Variants in ADAM32 observed in about 807,000 individuals in gnomAD.
The protein encoded by ADAM32 is disintegrin and metalloproteinase domain-containing protein 32.
A neutral mutation model predicts 114.9 loss-of-function variants in ADAM32; 89 were observed. The observed-to-expected ratio is 0.77, with a 90% CI of 0.65 to 0.92. ADAM32 has a LOEUF of 0.92. Among genes scored for constraint, ADAM32 ranks in the 40% least tolerant of loss-of-function variants. The pLI, the probability that ADAM32 is intolerant of heterozygous loss-of-function variation, is 0.00. For synonymous variants in ADAM32, 285 were observed against 307.5 expected (o/e 0.93, Z 0.77); for missense variants, 870 against 932.8 (o/e 0.93, Z 0.88).
chr8:39,170,841 A>T (rs1021458152), intron 10 of ADAM32, among the ~76,000 whole-genome samples: 14 of 152,150 alleles, frequency 9.2e-5, no homozygotes, highest in African/African-American at 3.4e-4. Context: ...CAGAATGGTG[A>T]TTACCAGAGG....
intron 19 of ADAM32, among the ~76,000 whole-genome samples, chr8:39,263,645 A>G (rs1301578452): frequency 6.6e-6 from 1 of 152,200 alleles, no homozygotes; most frequent in Non-Finnish European, 1.5e-5. Context: ...GCAAATATAT[A>G]CACATACCAC....
In ADAM32 at chr8:39,232,879, T is replaced by C. The variant is rs905822449; in HGVS notation, c.1634+744T>C. Among the ~76,000 whole-genome samples the C allele has an allele frequency of 2.0e-5, 3 of 152,192 alleles. No individual in the cohort carries two copies. In the East Asian group the frequency reaches 5.8e-4, roughly 29 times the overall value. On this transcript the variant is annotated intron_variant, in intron 15 of 24. Transcript: ENST00000379907. Reference sequence around the variant, plus strand: ...TGATTTATTTCACTTGTAACATTTTTAATGGAATTTGAATCATATTAATAT... The same window carrying C: ...TGATTTATTTCACTTGTAACATTTTCAATGGAATTTGAATCATATTAATAT...
chr8:39,168,214 CA>C (rs556077548), intron 9 of ADAM32: 1 of 152,166 alleles, frequency 6.6e-6, no homozygotes, highest in Non-Finnish European at 1.5e-5. Context: ...AAGAAGGGGT[CA>C]GGGGGCTCCT....
intron 19 of ADAM32, among the ~76,000 whole-genome samples, chr8:39,260,108 G>A (rs893586125): frequency 1.3e-5 from 2 of 151,982 alleles, no homozygotes; most frequent in Admixed American, 1.3e-4. Context: ...TTGATGATTT[G>A]CCTGATATAT....
At chr8:39,217,920 C>T (rs1465350462) in intron 12 of ADAM32, among the ~76,000 whole-genome samples, 1 of 152,074 alleles carries the variant, frequency 6.6e-6, no homozygotes, top group Non-Finnish European at 1.5e-5. Flanking sequence ...GGTCTTGATG[C>T]TTGTGGATGT....
At chr8:39,171,740 C>A (rs1452462250) in intron 10 of ADAM32, among the ~76,000 whole-genome samples, 2 of 151,524 alleles carry the variant, frequency 1.3e-5, no homozygotes, top group Non-Finnish European at 2.9e-5. Context: ...AAACTGTAGA[C>A]AATATTGGTA....
At chr8:39,139,335 C>A (rs1024821300) in intron 3 of ADAM32, among the ~76,000 whole-genome samples, 1 of 152,128 alleles carries the variant, frequency 6.6e-6, no homozygotes, top group African/African-American at 2.4e-5. Context: ...TTTAATCCAT[C>A]CTGAGTTAAT....
chr8:39,245,791 T>C (rs1810876934), intron 16 of ADAM32, among the ~76,000 whole-genome samples: 1 of 152,218 alleles, frequency 6.6e-6, no homozygotes, highest in Admixed American at 6.5e-5. Context: ...TTGCTAAAAC[T>C]CTCTTATTAT....
chr8:39,159,825 G>A (rs1378336414), intron 6 of ADAM32, among the ~76,000 whole-genome samples: 1 of 152,046 alleles, frequency 6.6e-6, no homozygotes, highest in Non-Finnish European at 1.5e-5. Context: ...TTCTTCCTCT[G>A]GCACGGGAAA....
At chr8:39,257,071 A>T in intron 18 of ADAM32, 116 bp from the exon 19 acceptor site, 1 of 1,057,888 alleles carries the variant, frequency 9.5e-7, no homozygotes, top group Non-Finnish European at 1.3e-6. Flanking sequence ...GATTTTTTCC[A>T]TGTTCCTTGA....
At chr8:39,190,105 T>C (rs1457980662) in intron 11 of ADAM32, among the ~76,000 whole-genome samples, 1 of 152,224 alleles carries the variant, frequency 6.6e-6, no homozygotes, top group Non-Finnish European at 1.5e-5. Flanking sequence ...TCTTTATGAG[T>C]TAAACTTTTA....
At chr8:39,245,250 T>C (rs1297002519) in intron 16 of ADAM32, among the ~76,000 whole-genome samples, 1 of 152,040 alleles carries the variant, frequency 6.6e-6, no homozygotes, top group African/African-American at 2.4e-5. Context: ...TGGGAGCTAA[T>C]CTCTGAAGAT....
intron 7 of ADAM32, among the ~76,000 whole-genome samples, chr8:39,164,455 G>A (rs1338253238): frequency 1.3e-5 from 2 of 152,150 alleles, no homozygotes; most frequent in East Asian, 1.9e-4. Flanking sequence ...AAGTATTTGC[G>A]TGAGGATCAG....
chr8:39,112,250 A>G (rs1840193760), intron 1 of ADAM32, among the ~76,000 whole-genome samples: 1 of 152,208 alleles, frequency 6.6e-6, no homozygotes, highest in African/African-American at 2.4e-5. Context: ...TAAATTATAA[A>G]TGACAAAAGC....
At position 39,150,574 on chromosome 8, in the gene ADAM32, C is replaced by A. The variant is rs910098013; in HGVS notation, c.353+707C>A. 3.9e-5 allele frequency among the ~76,000 whole-genome samples: 6 copies of A among 152,134 alleles called. No individual in the cohort carries two copies. In the East Asian group the frequency reaches 1.2e-3, roughly 29 times the overall value. On this transcript the variant is annotated intron_variant, in intron 5 of 24. Coordinates refer to ENST00000379907, the MANE Select transcript of ADAM32 (RefSeq NM_145004.7). The stretch of plus-strand genomic sequence containing the variant: ...AGCTCTTCAAGAATTACTGGGTTTC[C>A]TCCTTACGGCTTAGGGAGTTTTCCA...
intron 11 of ADAM32, among the ~76,000 whole-genome samples, chr8:39,198,484 T>C (rs62504806): frequency 3.6e-3 from 547 of 152,270 alleles, no homozygotes; most frequent in Non-Finnish European, 5.8e-3. Flanking sequence ...TTCAAACGAT[T>C]CTCCTGCCTC....
intron 18 of ADAM32, 30 bp from the exon 19 acceptor site, chr8:39,257,157 G>GTTTTTTTT (rs200807312): frequency 2.3e-6 from 3 of 1,284,668 alleles, no homozygotes; most frequent in African/African-American, 1.6e-5. Context: ...TAATTTTTTT[G>GTTTTTTTT]TTTTTTTTTT....
chr8:39,129,949 C>T (rs928828353), intron 2 of ADAM32: 2 of 306,870 alleles, frequency 6.5e-6, no homozygotes, highest in Non-Finnish European at 1.2e-5. Flanking sequence ...TTGTACATCA[C>T]ATTTCCTTTT....
At chr8:39,211,934 A>T (rs1808250510) in intron 12 of ADAM32, among the ~76,000 whole-genome samples, 1 of 152,096 alleles carries the variant, frequency 6.6e-6, no homozygotes. Flanking sequence ...GAACCATATC[A>T]CATTATTTTA....
Sources: gnomAD v4.1 joint callset for allele counts (sites outside exome capture counted in the v4.1 genomes callset) on GRCh38, gnomAD v4.1.1 for gene constraint, MANE v1.5 for transcripts, NCBI Gene and HGNC (gene_info 2026-07-23, HGNC 2026-07-21) for gene names.